ZNF69: variants seen among roughly 807,000 people sequenced by gnomAD.
ZNF69 encodes ZNF3.
ZNF69 carries 47 observed loss-of-function variants against 50.9 expected under a neutral mutation model. The observed-to-expected ratio is 0.92, with a 90% confidence interval of 0.73 to 1.18. The LOEUF is 1.18. ZNF69 is among the 50% of genes most tolerant of loss of function. The pLI, the probability that ZNF69 is intolerant of heterozygous loss-of-function variation, is 0.00. For synonymous variants in ZNF69, 216 were observed against 223.1 expected (o/e 0.97, Z 0.29); for missense variants, 717 against 675.1 (o/e 1.06, Z -0.69).
At chr19:11,969,005 G>C in the ZNF69 span, among the ~76,000 whole-genome samples, 4 of 152,342 alleles carry the variant, frequency 2.6e-5, no homozygotes, top group African/African-American at 4.8e-5. Flanking sequence ...CAGCTAGCTA[G>C]GTGAAAGTTG....
chr19:11,961,308 C>A, the ZNF69 span, among the ~76,000 whole-genome samples: 1 of 152,170 alleles, frequency 6.6e-6, no homozygotes, highest in Non-Finnish European at 1.5e-5. Flanking sequence ...AGGAAGATAG[C>A]CTTCACTAGG....
At chr19:11,953,093 T>C in the ZNF69 span, 7 of 151,930 alleles carry the variant, frequency 4.6e-5, no homozygotes, top group Non-Finnish European at 2.9e-5. Context: ...CAAAAAAAAT[T>C]AAAAAAGAGT....
chr19:11,925,817 G>A, the ZNF69 span, among the ~76,000 whole-genome samples: 1 of 152,222 alleles, frequency 6.6e-6, no homozygotes, highest in African/African-American at 2.4e-5. Context: ...AGCCGAATAG[G>A]AGAGACCTTG....
chr19:11,900,773 C>G (rs190045305), intron 1 of ZNF69, among the ~76,000 whole-genome samples: 1 of 152,132 alleles, frequency 6.6e-6, no homozygotes, highest in Non-Finnish European at 1.5e-5. Flanking sequence ...TGTCTGCTGC[C>G]TCTCTTTTTC....
At chr19:11,949,182 A>G in the ZNF69 span, 1 of 1,613,202 alleles carries the variant, frequency 6.2e-7, no homozygotes, top group African/African-American at 1.3e-5. Context: ...CTCACACTGG[A>G]GAGAAACGCT....
the ZNF69 span, among the ~76,000 whole-genome samples, chr19:11,962,102 CTG>C: frequency 5.0e-4 from 76 of 152,160 alleles, no homozygotes; most frequent in Non-Finnish European, 1.5e-4. Flanking sequence ...GCGTAAGAAA[CTG>C]TGCTCGGCCA....
chr19:11,955,109 A>G, the ZNF69 span, among the ~76,000 whole-genome samples: 3 of 144,988 alleles, frequency 2.1e-5, no homozygotes, highest in African/African-American at 5.2e-5. Flanking sequence ...GGTTCAAGTG[A>G]TTCTCCTGCC....
At chr19:11,955,001 T>A in the ZNF69 span, among the ~76,000 whole-genome samples, 152 of 128,946 alleles carry the variant, frequency 1.2e-3, no homozygotes, top group African/African-American at 5.0e-3. Context: ...AAAAAATTTT[T>A]TTTTTTTTTT....
chr19:11,896,528 G>A (rs919039482), intron 1 of ZNF69, among the ~76,000 whole-genome samples: 1 of 152,050 alleles, frequency 6.6e-6, no homozygotes. Context: ...TTTGCAGATG[G>A]TCATCTTCTT....
chr19:11,955,339 C>T, the ZNF69 span, among the ~76,000 whole-genome samples: 1,074 of 151,076 alleles, frequency 7.1e-3, 21 homozygotes, highest in African/African-American at 0.025. Context: ...CCTTAGAGGC[C>T]GTGTAGTACA....
the ZNF69 span, chr19:11,978,238 C>T: frequency 3.1e-6 from 5 of 1,614,040 alleles, no homozygotes; most frequent in Non-Finnish European, 4.2e-6. Context: ...GAAGCAAAAT[C>T]ATGTGATAAC....
the ZNF69 span, among the ~76,000 whole-genome samples, chr19:11,938,402 A>G: frequency 6.6e-6 from 1 of 151,978 alleles, no homozygotes; most frequent in African/African-American, 2.4e-5. Context: ...ACCCCATGAC[A>G]GGCCCCGGTG....
chr19:11,906,906 CA>C (rs1291012819), downstream of ZNF69, among the ~76,000 whole-genome samples: 3 of 152,146 alleles, frequency 2.0e-5, no homozygotes. Flanking sequence ...TCGAACCCAT[CA>C]CAAAGAAGCT....
chr19:11,950,165 A>G, the ZNF69 span: 42 of 1,613,780 alleles, frequency 2.6e-5, no homozygotes, highest in South Asian at 2.7e-4. Flanking sequence ...AAAGCATTCA[A>G]TTATTTTTCT....
intron 1 of ZNF69, among the ~76,000 whole-genome samples, chr19:11,901,613 T>C (rs1972245696): frequency 6.6e-6 from 1 of 152,152 alleles, no homozygotes; most frequent in African/African-American, 2.4e-5. Context: ...GCCTTTCAAG[T>C]AACTGTGACT....
At chr19:11,965,037 T>G in the ZNF69 span, 1 of 736,646 alleles carries the variant, frequency 1.4e-6, no homozygotes. Context: ...GTGGGTCGCA[T>G]TCCTGTCCTC....
intron 1 of ZNF69, among the ~76,000 whole-genome samples, chr19:11,902,996 G>A (rs1006672033): frequency 2.6e-5 from 4 of 152,192 alleles, no homozygotes; most frequent in African/African-American, 4.8e-5. Flanking sequence ...AACTAGCCAG[G>A]TGTGGTGGCA....
chr19:11,954,996 A>ATTTTTT, the ZNF69 span, among the ~76,000 whole-genome samples: 2 of 101,714 alleles, frequency 2.0e-5, no homozygotes, highest in Non-Finnish European at 1.9e-5. Flanking sequence ...TTTCAAAAAA[A>ATTTTTT]TTTTTTTTTT....
the ZNF69 span, among the ~76,000 whole-genome samples, chr19:11,961,059 C>T: frequency 6.6e-6 from 1 of 152,112 alleles, no homozygotes; most frequent in Non-Finnish European, 1.5e-5. Flanking sequence ...CAGGAGGATC[C>T]CTTGAGCCCA....
Sources: gnomAD v4.1 joint callset for allele counts (sites outside exome capture counted in the v4.1 genomes callset) on GRCh38, gnomAD v4.1.1 for gene constraint, MANE v1.5 for transcripts, NCBI Gene and HGNC (gene_info 2026-07-23, HGNC 2026-07-21) for gene names.